MLLT1: variants seen among roughly 807,000 people sequenced by gnomAD.
The protein encoded by MLLT1 is protein ENL.
MLLT1 carries 11 observed loss-of-function variants against 55.1 expected under a neutral mutation model. The observed-to-expected ratio is 0.20, with a 90% confidence interval of 0.13 to 0.33. The LOEUF (loss-of-function observed/expected upper bound fraction) is 0.33. MLLT1 is among the 10% of genes least tolerant of loss of function. The pLI is 1.00. For synonymous variants in MLLT1, 323 were observed against 320.1 expected, an observed-to-expected ratio of 1.01 and a Z score of -0.10; for missense variants, 536 against 760.6, an observed-to-expected ratio of 0.70 and a Z score of 3.47.
At chr19:6,267,238 A>T (rs2091356028) in intron 2 of MLLT1, among the ~76,000 whole-genome samples, 1 of 152,048 alleles carries the variant, frequency 6.6e-6, no homozygotes, top group Non-Finnish European at 1.5e-5. Flanking sequence ...AGTAGCTGGG[A>T]CTAAAGGCAT....
Position 6,211,848 on chromosome 19 carries a change from A to G in MLLT1, c.*1194T>C. The G allele has an allele frequency of 9.4e-7, 1 of 1,064,038 alleles. No homozygotes were observed. Among genetic ancestry groups the G allele is most frequent in the Non-Finnish European group, 1.1e-6 (1 of 878,374 alleles). The allele number at this position is 1,064,038 out of a possible 1,614,324, so 65.9% of individuals were successfully genotyped here. A position where few individuals can be genotyped will look rare whatever the true frequency, so the allele number is the denominator to read the frequency against. ...GCCCCTGGAGAATCTCAGGCATACCAGGAGTGGGGCTGCGGGCGCGGCACC... is the reference window on the plus strand; with the variant it reads ...GCCCCTGGAGAATCTCAGGCATACCGGGAGTGGGGCTGCGGGCGCGGCACC... On this transcript the variant is annotated 3_prime_UTR_variant, in exon 12 of 12. Coordinates refer to ENST00000252674, the MANE Select transcript of MLLT1 (RefSeq NM_005934.4). The surrounding 1 kb of genome is among the most constrained non-coding windows in gnomAD (Gnocchi z 4.6).
rs2090916013 is a variant in MLLT1, at chr19:6,222,840, T to C, written c.547-156A>G. Among the ~76,000 whole-genome samples, 1 of 152,136 alleles carries C rather than the reference T, an allele frequency of 6.6e-6. No individual in the cohort carries two copies. Among genetic ancestry groups the C allele is most frequent in the South Asian group, 2.1e-4 (1 of 4,830 alleles). On this transcript the variant is annotated intron_variant, in intron 5 of 11. Transcript: ENST00000252674. This position sits in a 1 kb window ranked among gnomAD's most constrained non-coding sequence, Gnocchi z 4.1. The stretch of plus-strand genomic sequence containing the variant: ...TCCATAAAGCAAAAAGGTAAGGCAG[T>C]AGGTGAGAGTTTTACATGGAGCTGT...
rs753003626 is a variant in MLLT1 at position 6,218,024 on chromosome 19, C to T, written c.1128G>A (p.Pro376=). 1.9e-5 allele frequency: 30 copies of T among 1,609,606 alleles called. No individual in the cohort carries two copies. Among genetic ancestry groups the T allele is most frequent in the African/African-American group, 6.7e-5 (5 of 74,542 alleles). Residue 376 remains proline (P), a synonymous_variant, in exon 7 of 12, where the codon CCG becomes CCA. Coordinates refer to ENST00000252674, the MANE Select transcript of MLLT1 (RefSeq NM_005934.4). ...SFKSESAQSS[P]SNSSSSSDSS... is the part of the protein sequence containing the mutation. Reference sequence around the variant, plus strand: ...AGTCTGAGCTGGAGCTGGAGTTGGACGGGCTTGACTGGGCAGACTTCACCC... The same window carrying T: ...AGTCTGAGCTGGAGCTGGAGTTGGATGGGCTTGACTGGGCAGACTTCACCC...
At chr19:6,217,896 C>G in intron 7 of MLLT1, 58 bp downstream of exon 7, 1 of 1,545,950 alleles carries the variant, frequency 6.5e-7, no homozygotes. Context: ...CCCATGTGGC[C>G]TGAGCTCCAG....
intron 1 of MLLT1, among the ~76,000 whole-genome samples, chr19:6,274,028 C>T (rs1453202271): frequency 2.0e-5 from 3 of 152,246 alleles, no homozygotes; most frequent in African/African-American, 7.2e-5. Context: ...GCCGGCAGGC[C>T]GGGCCCAAAG....
chr19:6,256,131 C>T lies in MLLT1; in HGVS notation c.276+6097G>A, dbSNP rs936654228. Among the ~76,000 whole-genome samples, 2 of 151,786 alleles carry T rather than the reference C, an allele frequency of 1.3e-5. No homozygotes were observed. Among genetic ancestry groups the T allele is most frequent in the African/African-American group, 4.8e-5 (2 of 41,264 alleles). On this transcript the variant is annotated intron_variant, in intron 3 of 11. Coordinates refer to ENST00000252674, the MANE Select transcript of MLLT1 (RefSeq NM_005934.4). The surrounding 1 kb of genome is among the most constrained non-coding windows in gnomAD (Gnocchi z 4.1). ...ATTCAGGAGGCTGAGGCAGGAGAAT[C>T]GCTTGAACCTGGGAGGCAGAGGTTG...
In MLLT1 at chr19:6,226,584, C is replaced by G. The variant is rs1241124431; in HGVS notation, c.546+393G>C. Among the ~76,000 whole-genome samples, 1 of 152,172 alleles carries G rather than the reference C, an allele frequency of 6.6e-6. No individual in the cohort carries two copies. Among genetic ancestry groups the G allele is most frequent in the Non-Finnish European group, 1.5e-5 (1 of 68,048 alleles). On this transcript the variant is annotated intron_variant, in intron 5 of 11. Transcript: ENST00000252674. This position sits in a 1 kb window ranked among gnomAD's most constrained non-coding sequence, Gnocchi z 6.3. ...TAGCCAAGGGCAGAAGTAGCCCCAG[C>G]TGCCCTCAGGAGGGTTGAAGAGGTG...
intron 3 of MLLT1, among the ~76,000 whole-genome samples, chr19:6,234,615 G>A (rs1376038797): frequency 1.3e-5 from 2 of 152,142 alleles, no homozygotes; most frequent in East Asian, 1.9e-4. Flanking sequence ...CAGCAGAGAC[G>A]TGGGCAGCCA....
intron 2 of MLLT1, among the ~76,000 whole-genome samples, chr19:6,268,509 C>T (rs1279852496): frequency 6.6e-6 from 1 of 152,132 alleles, no homozygotes; most frequent in African/African-American, 2.4e-5. Flanking sequence ...CATGTTTCTA[C>T]CCTATTTGAT....
At chr19:6,254,527 A>C (rs928368873) in intron 3 of MLLT1, among the ~76,000 whole-genome samples, 1 of 152,196 alleles carries the variant, frequency 6.6e-6, no homozygotes, top group African/African-American at 2.4e-5. Flanking sequence ...CTGGGCTCTT[A>C]ACCTGGGAGC....
chr19:6,213,680 C>T, intron 10 of MLLT1, 46 bp downstream of exon 10: 3 of 1,056,408 alleles, frequency 2.8e-6, no homozygotes, highest in Middle Eastern at 2.1e-4. Context: ...ACTCCCACCA[C>T]CCACCCCTCC....
At position 6,219,988 on chromosome 19, in the gene MLLT1, G is replaced by A. The variant is rs1037140230; in HGVS notation, c.1111-1947C>T. ...TCAGAAGGGCCACCGGAGCACGCCC[G>A]GGGCTCAGAGGGAGGGCGGAGCAGA... On this transcript the variant is annotated intron_variant, in intron 6 of 11. Coordinates refer to ENST00000252674, the MANE Select transcript of MLLT1 (RefSeq NM_005934.4). This position sits in a 1 kb window ranked among gnomAD's most constrained non-coding sequence, Gnocchi z 4.5. Among the ~76,000 whole-genome samples, 6 of 152,232 alleles carry A rather than the reference G, an allele frequency of 3.9e-5. No individual in the cohort carries two copies. The highest frequency in any genetic ancestry group is 4.4e-5 in the Non-Finnish European group (3 of 68,036).
intron 2 of MLLT1, among the ~76,000 whole-genome samples, chr19:6,265,612 G>A (rs571211645): frequency 1.3e-5 from 2 of 152,260 alleles, no homozygotes; most frequent in East Asian, 3.9e-4. Flanking sequence ...GGAGGTTGCA[G>A]TGAGCCAAGA....
In MLLT1 at chr19:6,273,127, T is replaced by A. The variant is rs2091407725; in HGVS notation, c.13-2368A>T. 6.6e-6 allele frequency among the ~76,000 whole-genome samples: 1 copy of A among 151,738 alleles called. No homozygotes were observed. Among genetic ancestry groups the A allele is most frequent in the Non-Finnish European group, 1.5e-5 (1 of 67,958 alleles). ...CGGAGACAAAAGAAATAACCCGTCG[T>A]CATAAGTGGCTGACAGATATGGGAA... On this transcript the variant is annotated intron_variant, in intron 1 of 11. Coordinates refer to ENST00000252674, the MANE Select transcript of MLLT1 (RefSeq NM_005934.4). The surrounding 1 kb of genome is among the most constrained non-coding windows in gnomAD (Gnocchi z 4.3).
Position 6,222,765 on chromosome 19 carries a change from A to C in MLLT1, c.547-81T>G. On this transcript the variant is annotated intron_variant, in intron 5 of 11. Transcript: ENST00000252674. This position sits in a 1 kb window ranked among gnomAD's most constrained non-coding sequence, Gnocchi z 4.1. ...GGGGCGCCCTGCTCCGCCACCCCTG[A>C]CCCCTACAAAGCATAATCCACCTGA... is the stretch of plus-strand genomic sequence containing the variant. 1 of 1,202,924 alleles carries C rather than the reference A, an allele frequency of 8.3e-7. No homozygotes were observed. Among genetic ancestry groups the C allele is most frequent in the Non-Finnish European group, 1.1e-6 (1 of 886,786 alleles). 74.5% of individuals were successfully genotyped at this position (1,202,924 alleles called of 1,614,324 possible). A position where few individuals can be genotyped will look rare whatever the true frequency, so the allele number is the denominator to read the frequency against.
At position 6,235,659 on chromosome 19, in the gene MLLT1, C is replaced by T. The variant is rs2091053737; in HGVS notation, c.277-4946G>A. Among the ~76,000 whole-genome samples, 1 of 152,174 alleles carries T rather than the reference C, an allele frequency of 6.6e-6. No individual in the cohort carries two copies. Among genetic ancestry groups the T allele is most frequent in the Non-Finnish European group, 1.5e-5 (1 of 68,010 alleles). ...CGAGTCCAGCCGCTTCTCCCAAGCT[C>T]CTCAGCCAGCCCCTCTCTCCTGGAC... On this transcript the variant is annotated intron_variant, in intron 3 of 11. Coordinates refer to ENST00000252674, the MANE Select transcript of MLLT1 (RefSeq NM_005934.4). The surrounding 1 kb of genome is among the most constrained non-coding windows in gnomAD (Gnocchi z 5.5).
chr19:6,211,882 T>A lies in MLLT1; in HGVS notation c.*1160A>T. 1.9e-6 allele frequency: 2 copies of A among 1,063,882 alleles called. No individual in the cohort carries two copies. The highest frequency in any genetic ancestry group is 4.5e-5 in the South Asian group (1 of 21,980). 65.9% of individuals were successfully genotyped at this position (1,063,882 alleles called of 1,614,324 possible). A position where few individuals can be genotyped will look rare whatever the true frequency, so the allele number is the denominator to read the frequency against. ...GCTGCGGGCGCGGCACCAGCATGAA[T>A]TGCGGCGGTGGAGGCCGGGGCGGGC... On this transcript the variant is annotated 3_prime_UTR_variant, in exon 12 of 12. Transcript: ENST00000252674. This position sits in a 1 kb window ranked among gnomAD's most constrained non-coding sequence, Gnocchi z 4.6.
chr19:6,236,325 G>A (rs2144888671), intron 3 of MLLT1, among the ~76,000 whole-genome samples: 1 of 152,290 alleles, frequency 6.6e-6, no homozygotes, highest in Middle Eastern at 3.4e-3. Flanking sequence ...AAACCCAGGG[G>A]TTCCTGGTGT....
chr19:6,211,861 CG>C lies in MLLT1; in HGVS notation c.*1180del, dbSNP rs1335848332. ...CTCAGGCATACCAGGAGTGGGGCTGCGGGCGCGGCACCAGCATGAATTGCGG... is the reference window on the plus strand; with the variant it reads ...CTCAGGCATACCAGGAGTGGGGCTGCGGCGCGGCACCAGCATGAATTGCGG... On this transcript the variant is annotated 3_prime_UTR_variant, in exon 12 of 12. Transcript: ENST00000252674. This position sits in a 1 kb window ranked among gnomAD's most constrained non-coding sequence, Gnocchi z 4.6. The C allele has an allele frequency of 9.4e-7, 1 of 1,063,930 alleles. No homozygotes were observed. Among genetic ancestry groups the C allele is most frequent in the Middle Eastern group, 4.2e-4 (1 of 2,394 alleles). The allele number at this position is 1,063,930 out of a possible 1,614,324, so 65.9% of individuals were successfully genotyped here. A position where few individuals can be genotyped will look rare whatever the true frequency, so the allele number is the denominator to read the frequency against.
Sources: allele counts gnomAD v4.1 joint callset (sites outside exome capture counted in the v4.1 genomes callset), GRCh38; gene constraint gnomAD v4.1.1; non-coding constraint Gnocchi (gnomAD v3.1); transcripts MANE v1.5; gene names NCBI Gene and HGNC (gene_info 2026-07-23, HGNC 2026-07-21).